Variants in UPP2 observed in about 807,000 individuals in gnomAD.
The protein encoded by UPP2 is uridine phosphorylase 2.
In UPP2, 23 loss-of-function variants were observed where a neutral mutation model predicts 26.7. The ratio of observed to expected loss-of-function variants is 0.86; its 90% CI spans 0.62 to 1.22. The LOEUF is 1.22. UPP2 is among the 50% of genes most tolerant of loss of function. The pLI is 0.00. For missense variants in UPP2, 387 were observed against 396.7 expected, an observed-to-expected ratio of 0.98 and a Z score of 0.21; for synonymous variants, 127 against 141.3, an observed-to-expected ratio of 0.90 and a Z score of 0.72.
chr2:158,018,814 C>T (rs1046118433), intron 3 of UPP2, among the ~76,000 whole-genome samples: 1 of 152,154 alleles, frequency 6.6e-6, no homozygotes, highest in African/African-American at 2.4e-5. Context: ...TTTATATCTC[C>T]TTTTCCTAGG....
chr2:158,123,236 G>A (rs753512161), intron 5 of UPP2, among the ~76,000 whole-genome samples: 2 of 152,196 alleles, frequency 1.3e-5, no homozygotes, highest in African/African-American at 2.4e-5. Context: ...AAGGGGTGGC[G>A]TGCAGCCTGA....
chr2:158,122,103 C>A (rs995617151), intron 5 of UPP2, among the ~76,000 whole-genome samples: 2 of 151,710 alleles, frequency 1.3e-5, no homozygotes, highest in African/African-American at 4.8e-5. Flanking sequence ...GTAAGGGGTC[C>A]CCAAACCAAG....
At chr2:158,021,273 T>C (rs1683747040) in intron 3 of UPP2, among the ~76,000 whole-genome samples, 1 of 152,230 alleles carries the variant, frequency 6.6e-6, no homozygotes, top group Admixed American at 6.5e-5. Flanking sequence ...ATGTTCTGAC[T>C]TTTAACTGTT....
chr2:158,074,796 ACT>A (rs775308882), intron 3 of UPP2, among the ~76,000 whole-genome samples: 15 of 150,982 alleles, frequency 9.9e-5, no homozygotes, highest in South Asian at 8.4e-4. Flanking sequence ...AATGGACCAG[ACT>A]CTCTAATGAA....
intron 3 of UPP2, among the ~76,000 whole-genome samples, chr2:158,033,146 A>C (rs1161461398): frequency 6.6e-6 from 1 of 152,162 alleles, no homozygotes; most frequent in Non-Finnish European, 1.5e-5. Context: ...GGCCTGAAGC[A>C]TACTGAAGAT....
intron 3 of UPP2, among the ~76,000 whole-genome samples, chr2:158,018,553 G>C (rs1468522): frequency 0.48 from 72,996 of 152,120 alleles, 21,075 homozygotes; most frequent in Admixed American, 0.68. Flanking sequence ...AGGCTGCAAG[G>C]CTGGAAGGCA....
intron 1 of UPP2, among the ~76,000 whole-genome samples, chr2:158,103,212 A>G (rs1316850199): frequency 3.3e-5 from 5 of 152,242 alleles, no homozygotes; most frequent in African/African-American, 4.8e-5. Context: ...GATGAGCCCA[A>G]TGAAACAAGA....
At chr2:158,117,357 C>A (rs1015443622) in intron 3 of UPP2, among the ~76,000 whole-genome samples, 4 of 152,014 alleles carry the variant, frequency 2.6e-5, no homozygotes, top group Admixed American at 2.6e-4. Context: ...TTTCAGAGCA[C>A]ACAAAATTAA....
intron 3 of UPP2, among the ~76,000 whole-genome samples, chr2:158,058,934 G>C (rs545311936): frequency 1.1e-4 from 16 of 152,302 alleles, no homozygotes; most frequent in African/African-American, 3.6e-4. Flanking sequence ...CCCAGGTCAA[G>C]CAAAGATTTC....
At chr2:158,023,728 A>G (rs567786351) in intron 3 of UPP2, among the ~76,000 whole-genome samples, 1 of 144,258 alleles carries the variant, frequency 6.9e-6, no homozygotes, top group East Asian at 2.1e-4. Flanking sequence ...GCTGCTTCCT[A>G]TGCAGGCCAG....
At chr2:158,107,242 G>A (rs781481556) in intron 2 of UPP2, among the ~76,000 whole-genome samples, 3 of 152,272 alleles carry the variant, frequency 2.0e-5, no homozygotes, top group Non-Finnish European at 2.9e-5. Flanking sequence ...ATGGAGAATC[G>A]CGCTGTTTTC....
intron 2 of UPP2, among the ~76,000 whole-genome samples, chr2:158,111,386 G>A (rs1254928091): frequency 5.3e-5 from 8 of 151,992 alleles, no homozygotes; most frequent in Admixed American, 5.3e-4. Flanking sequence ...AGCCTATTTT[G>A]ATATTAATAT....
intron 3 of UPP2, among the ~76,000 whole-genome samples, chr2:158,084,415 T>C (rs778934215): frequency 1.2e-4 from 19 of 152,174 alleles, no homozygotes; most frequent in South Asian, 2.1e-4. Flanking sequence ...GTTGGATATA[T>C]AAATTGCAAA....
chr2:158,064,857 T>A (rs1200079261), intron 3 of UPP2, among the ~76,000 whole-genome samples: 1 of 152,210 alleles, frequency 6.6e-6, no homozygotes, highest in Non-Finnish European at 1.5e-5. Context: ...TTTTCCCCAT[T>A]GCTTTTTTGT....
In UPP2 at chr2:158,053,590, A is replaced by G. The variant is rs150753310; in HGVS notation, c.147+37704A>G. Among the ~76,000 whole-genome samples, 3 of 152,290 alleles carry G rather than the reference A, an allele frequency of 2.0e-5. No individual in the cohort carries two copies. In the East Asian group the frequency reaches 5.8e-4, roughly 29 times the overall value. On this transcript the variant is annotated intron_variant, in intron 3 of 9. Coordinates refer to the UPP2 transcript ENST00000605860. ...ATTCGTAGAACAAGCAAATGGATGGATGGATGGAAGGATGGATAGGGCTTT... is the reference window on the plus strand; with the variant it reads ...ATTCGTAGAACAAGCAAATGGATGGGTGGATGGAAGGATGGATAGGGCTTT...
chr2:158,089,727 C>T (rs1291641625), intron 3 of UPP2, among the ~76,000 whole-genome samples: 1 of 152,220 alleles, frequency 6.6e-6, no homozygotes, highest in Admixed American at 6.5e-5. Context: ...AAATTCATCT[C>T]AGCTCCAGGT....
intron 3 of UPP2, among the ~76,000 whole-genome samples, chr2:158,081,244 A>C (rs984662479): frequency 1.3e-5 from 2 of 152,214 alleles, no homozygotes; most frequent in Non-Finnish European, 1.5e-5. Flanking sequence ...GGATATTTCT[A>C]ATGCTTAACA....
At position 158,130,350 on chromosome 2, in the gene UPP2, C is replaced by T. The variant is rs575201499; in HGVS notation, c.812-4398C>T. 2.0e-4 allele frequency among the ~76,000 whole-genome samples: 30 copies of T among 151,380 alleles called. No homozygotes were observed. In the South Asian group the frequency reaches 6.1e-3, roughly 31 times the overall value. The stretch of plus-strand genomic sequence containing the variant: ...TCTGTAGTCCCAGCTACTCGGGAGG[C>T]TGAGGGAGGAGAATGGCGTGAACCC... On this transcript the variant is annotated intron_variant, in intron 6 of 6. Coordinates refer to ENST00000005756, the MANE Select transcript of UPP2 (RefSeq NM_173355.4).
intron 2 of UPP2, among the ~76,000 whole-genome samples, chr2:158,007,094 C>T (rs1574242108): frequency 6.6e-6 from 1 of 152,186 alleles, no homozygotes; most frequent in African/African-American, 2.4e-5. Flanking sequence ...TTGCCAGCCT[C>T]TCTGGCAGCA....
Sources: allele counts gnomAD v4.1 joint callset (sites outside exome capture counted in the v4.1 genomes callset), GRCh38; gene constraint gnomAD v4.1.1; transcripts MANE v1.5; gene names NCBI Gene and HGNC (gene_info 2026-07-23, HGNC 2026-07-21).